Variants in PLVAP observed in about 807,000 individuals in gnomAD.
The protein encoded by PLVAP is plasmalemma vesicle-associated protein.
Under a neutral mutation model 43.1 loss-of-function variants are expected in PLVAP, and 34 were observed. The ratio of observed to expected loss-of-function variants is 0.79; its 90% CI spans 0.60 to 1.05. PLVAP has a LOEUF of 1.05. Ranked by LOEUF, PLVAP falls within the 50% of genes least tolerant of loss-of-function variation. The pLI is 0.00. For synonymous variants in PLVAP, 241 were observed against 237.3 expected, an observed-to-expected ratio of 1.02 and a Z score of -0.14; for missense variants, 574 against 593.4, an observed-to-expected ratio of 0.97 and a Z score of 0.34.
chr19:17,361,923 T>C (rs867187962), intron 3 of PLVAP, among the ~76,000 whole-genome samples: 1 of 143,098 alleles, frequency 7.0e-6, no homozygotes, highest in Non-Finnish European at 1.5e-5. Context: ...TAAAAAAAAA[T>C]AAAAAAAAAA....
intron 1 of PLVAP, among the ~76,000 whole-genome samples, chr19:17,376,567 G>A (rs1019905312): frequency 1.3e-5 from 2 of 152,150 alleles, no homozygotes; most frequent in Admixed American, 6.5e-5. Flanking sequence ...GGAGGCCAAG[G>A]CAGGCGTATC....
chr19:17,357,500 C>CA (rs1292799899), intron 5 of PLVAP, among the ~76,000 whole-genome samples: 2 of 151,460 alleles, frequency 1.3e-5, no homozygotes, highest in Non-Finnish European at 2.9e-5. Context: ...CCTGTCTCTA[C>CA]AAAAAAATAA....
intron 5 of PLVAP, among the ~76,000 whole-genome samples, chr19:17,356,617 G>C (rs906872245): frequency 6.6e-6 from 1 of 151,886 alleles, no homozygotes; most frequent in African/African-American, 2.4e-5. Flanking sequence ...GGGATTACAG[G>C]CGTGAGCCAC....
chr19:17,354,162 T>C lies in PLVAP; in HGVS notation c.1323-1794A>G, dbSNP rs1445627613. ...AAAGTTAGCCGGGCCTGGTGATGCA[T>C]GTCTGTAATCCCAGCTACTTGGGAG... On this transcript the variant is annotated intron_variant, in intron 5 of 5. Transcript: ENST00000252590. Among the ~76,000 whole-genome samples the C allele has an allele frequency of 4.6e-5, 7 of 152,044 alleles. No individual in the cohort carries two copies. The East Asian group carries it at 1.2e-3, about 25-fold the overall frequency.
chr19:17,358,967 T>A (rs2074517107), intron 5 of PLVAP, among the ~76,000 whole-genome samples: 1 of 151,456 alleles, frequency 6.6e-6, no homozygotes, highest in Non-Finnish European at 1.5e-5. Flanking sequence ...ACCTGGGTAA[T>A]TTTTGTATTT....
rs937704825 is a variant in PLVAP, at chr19:17,359,385, A to T, written c.1322+1143T>A. The stretch of plus-strand genomic sequence containing the variant: ...CGCTTCAGCCTCCCAAAGTGCTGGG[A>T]TTACAGGCGTGAGCCACTGCAACCA... On this transcript the variant is annotated intron_variant, in intron 5 of 5. Transcript: ENST00000252590. Among the ~76,000 whole-genome samples the T allele has an allele frequency of 4.0e-5, 6 of 150,230 alleles. No homozygotes were observed. In the Admixed American group the frequency reaches 4.0e-4, roughly 10 times the overall value.
In PLVAP at chr19:17,377,331, C is replaced by T; in HGVS notation, c.-43G>A. 6.7e-7 allele frequency: 1 copy of T among 1,491,880 alleles called. No individual in the cohort carries two copies. The highest frequency in any genetic ancestry group is 1.8e-5 in the Admixed American group (1 of 55,812). 92.4% of individuals were successfully genotyped at this position (1,491,880 alleles called of 1,614,324 possible). ...CCGGTGCACCGTCCCTGCTCACCACCAGGCCTGCTCTGGCCCCCGCCTCGC... is the reference window on the plus strand; with the variant it reads ...CCGGTGCACCGTCCCTGCTCACCACTAGGCCTGCTCTGGCCCCCGCCTCGC... On this transcript the variant is annotated 5_prime_UTR_variant, in exon 1 of 6. Coordinates refer to ENST00000252590, the MANE Select transcript of PLVAP (RefSeq NM_031310.3).
At chr19:17,369,356 T>C (rs2074562790) in intron 1 of PLVAP, among the ~76,000 whole-genome samples, 1 of 150,606 alleles carries the variant, frequency 6.6e-6, no homozygotes, top group Admixed American at 6.6e-5. Context: ...TGGCTAATTT[T>C]TGTATTTTTA....
rs2074526824 is a variant in PLVAP, at chr19:17,361,096, A to G, written c.1180-264T>C. The G allele has an allele frequency of 2.8e-5, 11 of 390,690 alleles. No individual in the cohort carries two copies. In the South Asian group the frequency reaches 3.3e-4, roughly 12 times the overall value. 24.2% of individuals were successfully genotyped at this position (390,690 alleles called of 1,614,324 possible). On this transcript the variant is annotated intron_variant, in intron 3 of 5. Transcript: ENST00000252590. ...TGCCTGGCTAATTTTTTGTATTTTT[A>G]ATAGAGCTGGGGTTTCACTATGTTG...
intron 1 of PLVAP, among the ~76,000 whole-genome samples, chr19:17,368,791 G>A (rs745835013): frequency 1.3e-5 from 2 of 152,094 alleles, no homozygotes; most frequent in African/African-American, 4.8e-5. Flanking sequence ...ACCTGGCCAA[G>A]ATGGTGAAAT....
At chr19:17,367,986 C>G (rs1450154115) in intron 1 of PLVAP, among the ~76,000 whole-genome samples, 1 of 151,926 alleles carries the variant, frequency 6.6e-6, no homozygotes, top group East Asian at 1.9e-4. Flanking sequence ...CAACCTCTGC[C>G]TCCCGGGTTC....
intron 5 of PLVAP, among the ~76,000 whole-genome samples, chr19:17,358,450 C>G (rs2074515213): frequency 6.6e-6 from 1 of 152,128 alleles, no homozygotes; most frequent in Admixed American, 6.6e-5. Context: ...TGGTTGGGGT[C>G]AAAGGGATCT....
intron 1 of PLVAP, among the ~76,000 whole-genome samples, chr19:17,369,353 T>C (rs1256648596): frequency 6.6e-6 from 1 of 150,728 alleles, no homozygotes; most frequent in African/African-American, 2.4e-5. Flanking sequence ...ACCTGGCTAA[T>C]TTTTGTATTT....
intron 5 of PLVAP, among the ~76,000 whole-genome samples, chr19:17,354,637 A>G (rs8111791): frequency 0.74 from 107,045 of 144,614 alleles, 39,954 homozygotes; most frequent in Middle Eastern, 0.8. Flanking sequence ...TGTGACTCAC[A>G]CCTGTAATCC....
intron 1 of PLVAP, 125 bp from the exon 2 acceptor site, chr19:17,366,320 A>G: frequency 1.2e-6 from 1 of 812,242 alleles, no homozygotes; most frequent in South Asian, 1.7e-5. Context: ...TGGTCCCTTT[A>G]TGAGGGAATG....
At chr19:17,360,914 C>CT (rs71336607) in intron 3 of PLVAP, 82 bp from the exon 4 acceptor site, 99,141 of 890,222 alleles carry the variant, frequency 0.11, 555 homozygotes, top group East Asian at 0.16. Flanking sequence ...TTTTCTTTTT[C>CT]TTTTTTTTTT....
At chr19:17,375,116 C>T (rs1277867938) in intron 1 of PLVAP, among the ~76,000 whole-genome samples, 1 of 152,106 alleles carries the variant, frequency 6.6e-6, no homozygotes, top group African/African-American at 2.4e-5. Context: ...GCCAGTATGC[C>T]TGGCCTAATT....
At chr19:17,375,093 A>G (rs2074589827) in intron 1 of PLVAP, among the ~76,000 whole-genome samples, 1 of 152,110 alleles carries the variant, frequency 6.6e-6, no homozygotes, top group Non-Finnish European at 1.5e-5. Context: ...CAGTGCTGGG[A>G]TTACAGGTGT....
At chr19:17,359,351 T>C (rs2074518792) in intron 5 of PLVAP, among the ~76,000 whole-genome samples, 1 of 150,602 alleles carries the variant, frequency 6.6e-6, no homozygotes, top group Non-Finnish European at 1.5e-5. Context: ...TGAGCTCAAG[T>C]GATCCGCCCG....
Sources: gnomAD v4.1 joint callset for allele counts (sites outside exome capture counted in the v4.1 genomes callset) on GRCh38, gnomAD v4.1.1 for gene constraint, MANE v1.5 for transcripts, NCBI Gene and HGNC (gene_info 2026-07-23, HGNC 2026-07-21) for gene names.